MGAM: variants seen among roughly 807,000 people sequenced by gnomAD.
MGAM encodes the protein alpha-1,4-glucosidase.
A neutral mutation model predicts 358.8 loss-of-function variants in MGAM; 253 were observed. The ratio of observed to expected loss-of-function variants is 0.71; its 90% CI spans 0.64 to 0.78. The LOEUF (loss-of-function observed/expected upper bound fraction) is 0.78, where lower values mean the gene tolerates loss of function less well. Ranked by LOEUF, MGAM falls within the 30% of genes least tolerant of loss-of-function variation. MGAM has a pLI of 0.00. For synonymous variants in MGAM, 1,105 were observed against 1,227.1 expected, an observed-to-expected ratio of 0.90 and a Z score of 2.08; for missense variants, 3,080 against 3,432.6, an observed-to-expected ratio of 0.90 and a Z score of 2.57.
intron 1 of MGAM, among the ~76,000 whole-genome samples, chr7:142,000,844 G>A (rs1373857884): frequency 6.6e-6 from 1 of 152,110 alleles, no homozygotes; most frequent in Non-Finnish European, 1.5e-5. Context: ...AGCATAGGGT[G>A]TTTATAGTTT....
At chr7:142,028,641 A>T (rs1338921503) in intron 10 of MGAM, among the ~76,000 whole-genome samples, 1 of 152,178 alleles carries the variant, frequency 6.6e-6, no homozygotes, top group Non-Finnish European at 1.5e-5. Context: ...TTCTCTTTAG[A>T]GTGGTCATTT....
Position 142,102,634 on chromosome 7 carries a change from C to A in MGAM, c.7968C>A (p.Thr2656=). The part of the protein sequence containing the change: ...LFWDDGQSID[T]YGKGLYYLAS... Reference sequence around the variant, plus strand: ...TATCTTGTTTTTTGTTTGCAGATACCTATGGGAAAGGACTCTATTACTTGG... The same window carrying A: ...TATCTTGTTTTTTGTTTGCAGATACATATGGGAAAGGACTCTATTACTTGG... The change falls in exon 69 of 71, where the codon ACC becomes ACA. Residue 2656 remains threonine (T), a synonymous_variant. Coordinates refer to ENST00000475668, the MANE Select transcript of MGAM (RefSeq NM_001365693.1). 1.2e-6 allele frequency: 2 copies of A among 1,613,246 alleles called. No individual in the cohort carries two copies. Among genetic ancestry groups the A allele is most frequent in the Non-Finnish European group, 1.7e-6 (2 of 1,179,588 alleles).
At chr7:142,003,397 A>G (rs1245044136) in intron 1 of MGAM, among the ~76,000 whole-genome samples, 4 of 152,040 alleles carry the variant, frequency 2.6e-5, no homozygotes, top group Non-Finnish European at 4.4e-5. Flanking sequence ...AAGAATAGAG[A>G]ACTCAGAAAC....
chr7:142,081,991 G>A lies in MGAM; in HGVS notation c.6003-51G>A, dbSNP rs563715849. ...GTCCTTGAAAAGTCAGCTGCTGGAA[G>A]CAGAGAGAAAAGCCCATTTTCTGTT... On this transcript the variant is annotated intron_variant, in intron 50 of 70. Coordinates refer to ENST00000475668, the MANE Select transcript of MGAM (RefSeq NM_001365693.1). The A allele has an allele frequency of 2.6e-6, 4 of 1,509,630 alleles. No homozygotes were observed. In the South Asian group the frequency reaches 4.5e-5, roughly 17 times the overall value. The allele number at this position is 1,509,630 out of a possible 1,614,324, so 93.5% of individuals were successfully genotyped here.
At chr7:142,089,738 G>T (rs998859096) in intron 57 of MGAM, among the ~76,000 whole-genome samples, 4 of 145,568 alleles carry the variant, frequency 2.7e-5, no homozygotes, top group African/African-American at 7.3e-5. Flanking sequence ...AGTGAGCCAG[G>T]ATTGAGCCAC....
At chr7:142,003,143 C>A (rs372915564) in intron 1 of MGAM, among the ~76,000 whole-genome samples, 8 of 151,982 alleles carry the variant, frequency 5.3e-5, no homozygotes, top group East Asian at 3.9e-4. Flanking sequence ...ACCATACTGC[C>A]CAAAGCAATC....
intron 2 of MGAM, among the ~76,000 whole-genome samples, chr7:142,006,772 T>C (rs185887568): frequency 2.0e-5 from 3 of 152,282 alleles, no homozygotes; most frequent in South Asian, 2.1e-4. Context: ...CTTTCATTTT[T>C]CAGTCAGAAC....
chr7:142,088,558 CTCTA>C (rs202143818), intron 57 of MGAM, among the ~76,000 whole-genome samples: 3,434 of 136,528 alleles, frequency 0.025, 202 homozygotes, highest in African/African-American at 0.082. Flanking sequence ...TCCATCCATC[CTCTA>C]TCTATCTATC....
chr7:141,989,720 A>G (rs1803863531), intron 2 of MGAM, among the ~76,000 whole-genome samples: 1 of 151,990 alleles, frequency 6.6e-6, no homozygotes, highest in Non-Finnish European at 1.5e-5. Flanking sequence ...AATTTTCCAA[A>G]ATTCCTCAAT....
chr7:142,044,027 C>T (rs1363194830), intron 21 of MGAM, among the ~76,000 whole-genome samples: 1 of 132,748 alleles, frequency 7.5e-6, no homozygotes, highest in Non-Finnish European at 1.6e-5. Context: ...ACATTATATA[C>T]ACATACGACG....
intron 3 of MGAM, among the ~76,000 whole-genome samples, chr7:142,014,321 T>G (rs2128990073): frequency 6.6e-6 from 1 of 152,320 alleles, no homozygotes; most frequent in Non-Finnish European, 1.5e-5. Flanking sequence ...GGCATGATTA[T>G]TATAGTCTTC....
At chr7:142,089,954 C>T (rs1276892411) in intron 57 of MGAM, among the ~76,000 whole-genome samples, 2 of 146,172 alleles carry the variant, frequency 1.4e-5, no homozygotes, top group African/African-American at 4.9e-5. Flanking sequence ...AACAAACAGC[C>T]AACAGCCCCA....
At chr7:141,998,663 G>A (rs1006226135) in intron 1 of MGAM, among the ~76,000 whole-genome samples, 5 of 152,120 alleles carry the variant, frequency 3.3e-5, no homozygotes, top group Non-Finnish European at 7.4e-5. Context: ...TCATTGATGG[G>A]CATTTGGGTT....
At chr7:142,042,066 A>T (rs1269792056) in intron 21 of MGAM, among the ~76,000 whole-genome samples, 1 of 74,056 alleles carries the variant, frequency 1.4e-5, no homozygotes, top group Admixed American at 2.3e-4. Context: ...TATACATATA[A>T]TATATAACAT....
intron 7 of MGAM, among the ~76,000 whole-genome samples, chr7:142,022,745 CCTT>C (rs1243891928): frequency 6.6e-6 from 1 of 151,966 alleles, no homozygotes; most frequent in Non-Finnish European, 1.5e-5. Context: ...AATGCCAACT[CCTT>C]CATATTTTCC....
At chr7:142,030,818 C>G (rs918665058) in intron 12 of MGAM, 61 bp downstream of exon 12, 28 of 784,676 alleles carry the variant, frequency 3.6e-5, no homozygotes, top group African/African-American at 8.8e-5. Flanking sequence ...TTGAATGTGT[C>G]TGTGTGTGTG....
chr7:142,000,540 C>T (rs782390144), intron 1 of MGAM, among the ~76,000 whole-genome samples: 10 of 152,050 alleles, frequency 6.6e-5, no homozygotes, highest in East Asian at 1.9e-4. Flanking sequence ...GGTGGGGACT[C>T]GCCCTACCTC....
At chr7:142,054,288 G>A (rs938148578) in intron 26 of MGAM, among the ~76,000 whole-genome samples, 3 of 152,302 alleles carry the variant, frequency 2.0e-5, no homozygotes, top group South Asian at 2.1e-4. Flanking sequence ...CGTCCCTAGT[G>A]TCTTGTGCAG....
rs1269424698 is a variant in MGAM at position 142,027,828 on chromosome 7, GATTT to G, written c.1221+102_1221+105del. 2.1e-5 allele frequency: 28 copies of G among 1,309,028 alleles called. No homozygotes were observed. In the African/African-American group the frequency reaches 4.2e-4, roughly 20 times the overall value. The allele number at this position is 1,309,028 out of a possible 1,614,324, so 81.1% of individuals were successfully genotyped here. A position where few individuals can be genotyped will look rare whatever the true frequency, so the allele number is the denominator to read the frequency against. The stretch of plus-strand genomic sequence containing the variant: ...ATATTTTCTCTCCCTGAGTTTAATT[GATTT>G]ATTTATTTGGTAATGAAAGGAGTTT... On this transcript the variant is annotated intron_variant, in intron 10 of 70. Transcript: ENST00000475668.
Sources: allele counts gnomAD v4.1 joint callset (sites outside exome capture counted in the v4.1 genomes callset), GRCh38; gene constraint gnomAD v4.1.1; transcripts MANE v1.5; gene names NCBI Gene and HGNC (gene_info 2026-07-23, HGNC 2026-07-21).